NXPH2: variants seen among roughly 807,000 people sequenced by gnomAD.
NXPH2 encodes the protein neurexophilin-2.
A neutral mutation model predicts 19.8 loss-of-function variants in NXPH2; 5 were observed. That is an observed-to-expected ratio of 0.25 (90% CI 0.13 to 0.53). The LOEUF (loss-of-function observed/expected upper bound fraction) is 0.53, where lower values mean the gene tolerates loss of function less well. NXPH2 is among the 20% of genes least tolerant of loss of function. The probability of loss-of-function intolerance (pLI) is 0.96; values close to 1 mark genes in which losing one functional copy is unlikely to be tolerated. For missense variants in NXPH2, 289 were observed against 322.8 expected (o/e 0.90, Z 0.80); for synonymous variants, 154 against 127.4 (o/e 1.21, Z -1.41).
At chr2:138,704,054 G>A (rs1357060778) in intron 1 of NXPH2, among the ~76,000 whole-genome samples, 3 of 152,162 alleles carry the variant, frequency 2.0e-5, no homozygotes, top group Non-Finnish European at 1.5e-5. Flanking sequence ...ATACCCGAAT[G>A]TGAACCTATT....
At chr2:138,738,746 A>T (rs914658156) in intron 1 of NXPH2, among the ~76,000 whole-genome samples, 2 of 152,208 alleles carry the variant, frequency 1.3e-5, no homozygotes, top group African/African-American at 4.8e-5. Flanking sequence ...GACTGCCTGA[A>T]TTTGCTCCCC....
chr2:138,671,873 G>A (rs561011384), intron 1 of NXPH2, among the ~76,000 whole-genome samples: 1 of 152,296 alleles, frequency 6.6e-6, no homozygotes, highest in East Asian at 1.9e-4. Flanking sequence ...ATTAAAAATG[G>A]TGAGGTTAAG....
At chr2:138,686,878 G>C (rs1379716627) in intron 1 of NXPH2, among the ~76,000 whole-genome samples, 1 of 152,150 alleles carries the variant, frequency 6.6e-6, no homozygotes, top group East Asian at 1.9e-4. Flanking sequence ...CAAAGGACAT[G>C]AACTCATCCT....
chr2:138,689,551 C>G (rs1558914335), intron 1 of NXPH2, among the ~76,000 whole-genome samples: 1 of 152,156 alleles, frequency 6.6e-6, no homozygotes, highest in African/African-American at 2.4e-5. Context: ...GGTAAAGTAC[C>G]AAGGAAGAAA....
chr2:138,687,929 C>T (rs1382720710), intron 1 of NXPH2, among the ~76,000 whole-genome samples: 5 of 152,084 alleles, frequency 3.3e-5, no homozygotes, highest in Non-Finnish European at 2.9e-5. Context: ...CCATGCTGTT[C>T]TGGTTACTGT....
At chr2:138,689,793 C>G (rs962330899) in intron 1 of NXPH2, among the ~76,000 whole-genome samples, 1 of 152,068 alleles carries the variant, frequency 6.6e-6, no homozygotes, top group African/African-American at 2.4e-5. Flanking sequence ...TCTTTATGTA[C>G]AGAGAAATAT....
intron 1 of NXPH2, among the ~76,000 whole-genome samples, chr2:138,775,001 TAAG>T (rs1436339728): frequency 7.7e-4 from 117 of 152,356 alleles, no homozygotes; most frequent in Non-Finnish European, 1.5e-3. Flanking sequence ...CATTATAGTT[TAAG>T]TTTATAAAAT....
At chr2:138,703,288 C>A (rs944201673) in intron 1 of NXPH2, among the ~76,000 whole-genome samples, 4 of 152,144 alleles carry the variant, frequency 2.6e-5, no homozygotes. Context: ...TAAAGCCATA[C>A]ATACCCTCTG....
intron 1 of NXPH2, among the ~76,000 whole-genome samples, chr2:138,774,538 A>G (rs2104845834): frequency 6.6e-6 from 1 of 152,362 alleles, no homozygotes; most frequent in African/African-American, 2.4e-5. Flanking sequence ...CCCTGTTACA[A>G]CATATTAAAA....
chr2:138,773,355 A>G (rs1249712656), intron 1 of NXPH2, among the ~76,000 whole-genome samples: 2 of 152,174 alleles, frequency 1.3e-5, no homozygotes, highest in African/African-American at 4.8e-5. Context: ...TGTTTGAACT[A>G]TCCAAGTGCA....
At chr2:138,775,738 A>T (rs1170208592) in intron 1 of NXPH2, among the ~76,000 whole-genome samples, 1 of 152,120 alleles carries the variant, frequency 6.6e-6, no homozygotes, top group Non-Finnish European at 1.5e-5. Flanking sequence ...TTAAATCACC[A>T]TCCTGCATAC....
chr2:138,677,937 A>T (rs1680510861), intron 1 of NXPH2, among the ~76,000 whole-genome samples: 1 of 152,222 alleles, frequency 6.6e-6, no homozygotes, highest in Non-Finnish European at 1.5e-5. Flanking sequence ...ACTATAGTAT[A>T]TTTGCCACAA....
intron 1 of NXPH2, among the ~76,000 whole-genome samples, chr2:138,729,567 C>T (rs567174948): frequency 6.6e-6 from 1 of 152,172 alleles, no homozygotes; most frequent in Non-Finnish European, 1.5e-5. Context: ...TCCTATTTAG[C>T]CTTCTAAAAT....
chr2:138,698,100 G>T (rs1430412124), intron 1 of NXPH2, among the ~76,000 whole-genome samples: 1 of 151,978 alleles, frequency 6.6e-6, no homozygotes, highest in Admixed American at 6.6e-5. Flanking sequence ...CAATGGTGAC[G>T]AATGCACAAT....
intron 1 of NXPH2, among the ~76,000 whole-genome samples, chr2:138,754,963 A>G (rs1220757218): frequency 6.6e-6 from 1 of 152,180 alleles, no homozygotes; most frequent in Non-Finnish European, 1.5e-5. Flanking sequence ...CATGAATGAC[A>G]AATGATGTTA....
chr2:138,691,406 T>C (rs1465517908), intron 1 of NXPH2, among the ~76,000 whole-genome samples: 2 of 152,226 alleles, frequency 1.3e-5, no homozygotes, highest in Non-Finnish European at 2.9e-5. Context: ...TCTTCTATCA[T>C]GCACAGATTG....
rs545112269 is a variant in NXPH2 at position 138,710,877 on chromosome 2, C to T, written c.52-39212G>A. Among the ~76,000 whole-genome samples the T allele has an allele frequency of 1.8e-4, 28 of 152,270 alleles. 1 individual carries two copies. In the South Asian group the frequency reaches 4.6e-3, roughly 25 times the overall value. On this transcript the variant is annotated intron_variant, in intron 1 of 1. Transcript: ENST00000272641. ...ACCCATGCCAAACACTTTACCCAAG[C>T]TGGCTTCCCCGACTTCCTCAGTCTC...
intron 1 of NXPH2, among the ~76,000 whole-genome samples, chr2:138,768,380 C>T (rs1457176405): frequency 6.6e-6 from 1 of 152,130 alleles, no homozygotes. Context: ...AGAGTGCTAA[C>T]CACAAGTTTT....
At chr2:138,672,020 T>C (rs1680424520) in intron 1 of NXPH2, among the ~76,000 whole-genome samples, 2 of 152,212 alleles carry the variant, frequency 1.3e-5, no homozygotes, top group Admixed American at 1.3e-4. Flanking sequence ...TGTCAACTCT[T>C]TTCTTTCAGG....
Sources: gnomAD v4.1 joint callset for allele counts (sites outside exome capture counted in the v4.1 genomes callset) on GRCh38, gnomAD v4.1.1 for gene constraint, MANE v1.5 for transcripts, NCBI Gene and HGNC (gene_info 2026-07-23, HGNC 2026-07-21) for gene names.